NCOA2: variants seen among roughly 807,000 people sequenced by gnomAD.
NCOA2 encodes the protein nuclear receptor coactivator 2.
In NCOA2, 21 loss-of-function variants were observed where a neutral mutation model predicts 145.1. The ratio of observed to expected loss-of-function variants is 0.14; its 90% confidence interval spans 0.10 to 0.21. The LOEUF (loss-of-function observed/expected upper bound fraction) is 0.21, where lower values mean the gene tolerates loss of function less well. Ranked by LOEUF, NCOA2 falls within the 10% of genes least tolerant of loss-of-function variation. NCOA2 has a pLI of 1.00. For synonymous variants in NCOA2, 619 were observed against 637.5 expected (o/e 0.97, Z 0.44); for missense variants, 1,472 against 1,837.6 (o/e 0.80, Z 3.64).
At chr8:70,138,459 G>A in intron 14 of NCOA2, 127 bp from the exon 15 acceptor site, 3 of 888,182 alleles carry the variant, frequency 3.4e-6, no homozygotes, top group African/African-American at 1.7e-5. Context: ...TAATTAACTA[G>A]GTGAATATAA....
chr8:70,394,304 C>T (rs536312187), intron 1 of NCOA2, among the ~76,000 whole-genome samples: 12 of 152,224 alleles, frequency 7.9e-5, no homozygotes, highest in East Asian at 1.9e-4. Context: ...TACAGGTGCC[C>T]GCCACCATGC....
intron 11 of NCOA2, among the ~76,000 whole-genome samples, chr8:70,148,885 T>A (rs1811417956): frequency 6.6e-6 from 1 of 152,148 alleles, no homozygotes; most frequent in Non-Finnish European, 1.5e-5. Context: ...CAAAACTCCC[T>A]AAGAAATAAC....
chr8:70,292,596 A>G (rs540244270), intron 2 of NCOA2, among the ~76,000 whole-genome samples: 2 of 152,238 alleles, frequency 1.3e-5, no homozygotes, highest in South Asian at 2.1e-4. Context: ...CAATGTAAAA[A>G]TATCGAACAA....
At chr8:70,243,056 C>T (rs1255532682) in intron 2 of NCOA2, among the ~76,000 whole-genome samples, 9 of 152,004 alleles carry the variant, frequency 5.9e-5, no homozygotes, top group Admixed American at 5.3e-4. Flanking sequence ...TCCTCACTCC[C>T]CAACCTCTAA....
At chr8:70,135,355 G>A (rs949400935) in intron 15 of NCOA2, among the ~76,000 whole-genome samples, 10 of 152,218 alleles carry the variant, frequency 6.6e-5, no homozygotes, top group African/African-American at 1.9e-4. Context: ...ATGCTCACAC[G>A]GGGCAAGCAT....
intron 1 of NCOA2, among the ~76,000 whole-genome samples, chr8:70,403,222 C>G (rs568363270): frequency 2.0e-5 from 3 of 151,524 alleles, no homozygotes; most frequent in African/African-American, 7.2e-5. Context: ...CGCGCTGCCC[C>G]CGAGGGGTTA....
intron 2 of NCOA2, among the ~76,000 whole-genome samples, chr8:70,245,829 A>C (rs1822569466): frequency 6.6e-6 from 1 of 152,120 alleles, no homozygotes; most frequent in Admixed American, 6.6e-5. Flanking sequence ...TACTCTCTTG[A>C]GCTTTGCCCT....
At chr8:70,128,197 G>A (rs1343423654) in intron 18 of NCOA2, among the ~76,000 whole-genome samples, 1 of 152,210 alleles carries the variant, frequency 6.6e-6, no homozygotes, top group East Asian at 1.9e-4. Flanking sequence ...AGTGTTTGCA[G>A]TAACTTTATG....
At chr8:70,441,906 A>G in the NCOA2 span, among the ~76,000 whole-genome samples, 2 of 150,978 alleles carry the variant, frequency 1.3e-5, no homozygotes, top group Non-Finnish European at 3.0e-5. Flanking sequence ...TCTGCATTTA[A>G]CAGGGTCACA....
At chr8:70,404,078 C>T (rs1814641011), upstream of NCOA2, among the ~76,000 whole-genome samples, 1 of 152,172 alleles carries the variant, frequency 6.6e-6, no homozygotes, top group African/African-American at 2.4e-5. Context: ...GTCCGGGGAG[C>T]AGCCCCTGGC....
At chr8:70,319,972 G>T (rs1309236386) in intron 1 of NCOA2, among the ~76,000 whole-genome samples, 1 of 152,178 alleles carries the variant, frequency 6.6e-6, no homozygotes, top group Non-Finnish European at 1.5e-5. Context: ...AAAATATGAT[G>T]ATGGGTAGCC....
chr8:70,235,050 G>T (rs1156499167), intron 2 of NCOA2, among the ~76,000 whole-genome samples: 1 of 152,104 alleles, frequency 6.6e-6, no homozygotes, highest in Non-Finnish European at 1.5e-5. Flanking sequence ...TAGGTGAATA[G>T]GCTTTGCTAA....
chr8:70,141,353 T>C lies in NCOA2; in HGVS notation c.2859A>G (p.Glu953=), dbSNP rs752489426. Residue 953 remains glutamate, a synonymous_variant, in exon 14 of 23, where the codon GAA becomes GAG. Transcript: ENST00000452400. ...TCACAGCCGAACTCTGCGGTGCCCA[T>C]TCTCCAGATGGCATAGTAGGCCGAG... ...SASRPTMPSG[E]WAPQSSAVRV... 2.8e-5 allele frequency: 45 copies of C among 1,613,928 alleles called. No individual in the cohort carries two copies. The highest frequency in any genetic ancestry group is 3.7e-5 in the Non-Finnish European group (44 of 1,179,874).
intron 1 of NCOA2, among the ~76,000 whole-genome samples, chr8:70,368,933 T>C (rs1454081998): frequency 6.6e-6 from 1 of 152,184 alleles, no homozygotes; most frequent in Non-Finnish European, 1.5e-5. Context: ...AAAAGTAGCA[T>C]CTCTGATATA....
At chr8:70,342,862 T>C (rs1031555969) in intron 1 of NCOA2, among the ~76,000 whole-genome samples, 1 of 151,396 alleles carries the variant, frequency 6.6e-6, no homozygotes, top group Non-Finnish European at 1.5e-5. Flanking sequence ...ATTTTTTTTT[T>C]ACCCAAGCTG....
chr8:70,192,076 A>G (rs933335133), intron 4 of NCOA2, among the ~76,000 whole-genome samples: 2 of 152,142 alleles, frequency 1.3e-5, no homozygotes, highest in Non-Finnish European at 2.9e-5. Context: ...CAAAAAATAA[A>G]AGACTGAAGA....
intron 4 of NCOA2, among the ~76,000 whole-genome samples, chr8:70,192,840 G>A (rs1355390883): frequency 1.3e-5 from 2 of 151,850 alleles, no homozygotes; most frequent in African/African-American, 2.4e-5. Context: ...AGGCGGAGGC[G>A]GGCAGATCAC....
intron 11 of NCOA2, among the ~76,000 whole-genome samples, chr8:70,149,925 C>A (rs1811559217): frequency 6.6e-6 from 1 of 152,176 alleles, no homozygotes; most frequent in Admixed American, 6.5e-5. Context: ...ATGAGTTACA[C>A]TGAAAGTAGG....
At chr8:70,417,976 TTA>T in the NCOA2 span, among the ~76,000 whole-genome samples, 3 of 152,166 alleles carry the variant, frequency 2.0e-5, no homozygotes, top group Non-Finnish European at 2.9e-5. Context: ...GGAGCCATTG[TTA>T]TGTTTGTTAG....
Sources: allele counts gnomAD v4.1 joint callset (sites outside exome capture counted in the v4.1 genomes callset), GRCh38; gene constraint gnomAD v4.1.1; transcripts MANE v1.5; gene names NCBI Gene and HGNC (gene_info 2026-07-23, HGNC 2026-07-21).